Variants in CCDC60 observed in about 807,000 individuals in gnomAD.
CCDC60 encodes the protein coiled-coil domain-containing protein 60.
A neutral mutation model predicts 63.5 loss-of-function variants in CCDC60; 54 were observed. The ratio of observed to expected loss-of-function variants is 0.85; its 90% CI spans 0.68 to 1.07. The LOEUF is 1.07. Ranked by LOEUF, CCDC60 falls within the 50% of genes least tolerant of loss-of-function variation. The pLI, the probability that CCDC60 is intolerant of heterozygous loss-of-function variation, is 0.00. For synonymous variants in CCDC60, 206 were observed against 238.8 expected (o/e 0.86, Z 1.27); for missense variants, 651 against 684.3 (o/e 0.95, Z 0.54).
intron 1 of CCDC60, among the ~76,000 whole-genome samples, chr12:119,377,588 A>C (rs1337393403): frequency 6.6e-6 from 1 of 152,242 alleles, no homozygotes; most frequent in Non-Finnish European, 1.5e-5. Context: ...AACTAACTAA[A>C]TAGTTAATAA....
intron 2 of CCDC60, among the ~76,000 whole-genome samples, chr12:119,455,755 G>GAA (rs151277427): frequency 0.39 from 53,668 of 137,980 alleles, 10,005 homozygotes; most frequent in East Asian, 0.47. Flanking sequence ...AGGAAAGAAA[G>GAA]AAAAGAAAAG....
At chr12:119,462,362 T>C (rs912359044) in intron 2 of CCDC60, among the ~76,000 whole-genome samples, 4 of 152,152 alleles carry the variant, frequency 2.6e-5, no homozygotes, top group Admixed American at 6.5e-5. Flanking sequence ...GGAATCACAT[T>C]AGGATTGTGT....
intron 2 of CCDC60, among the ~76,000 whole-genome samples, chr12:119,443,744 A>G (rs1622645): frequency 0.89 from 135,605 of 152,238 alleles, 60,793 homozygotes; most frequent in East Asian, 1. Context: ...ATGTATTCAC[A>G]GGCAATAGAA....
At chr12:119,425,726 T>C (rs1956888263) in intron 1 of CCDC60, among the ~76,000 whole-genome samples, 1 of 152,216 alleles carries the variant, frequency 6.6e-6, no homozygotes, top group African/African-American at 2.4e-5. Flanking sequence ...TCCCCATTTC[T>C]AGTCAGTAAG....
At chr12:119,469,196 C>G (rs1447023492) in intron 2 of CCDC60, among the ~76,000 whole-genome samples, 4 of 152,128 alleles carry the variant, frequency 2.6e-5, no homozygotes, top group Non-Finnish European at 4.4e-5. Context: ...TCCAAGATTT[C>G]TTCCCAGCTG....
intron 13 of CCDC60, among the ~76,000 whole-genome samples, chr12:119,540,409 G>C (rs1953126262): frequency 6.6e-6 from 1 of 152,170 alleles, no homozygotes; most frequent in Non-Finnish European, 1.5e-5. Context: ...CTTAACATTA[G>C]CCTGCTGAGC....
At chr12:119,351,810 C>T (rs550890947) in intron 1 of CCDC60, among the ~76,000 whole-genome samples, 17 of 152,312 alleles carry the variant, frequency 1.1e-4, no homozygotes, top group Non-Finnish European at 1.9e-4. Context: ...TGGCAAGTCT[C>T]TAGGAAGTTC....
intron 7 of CCDC60, among the ~76,000 whole-genome samples, chr12:119,515,782 G>A (rs1952338114): frequency 6.6e-6 from 1 of 152,212 alleles, no homozygotes; most frequent in South Asian, 2.1e-4. Context: ...CTCCTTTCTA[G>A]GGAAGCTGGA....
At chr12:119,433,914 T>C (rs952092690) in intron 2 of CCDC60, among the ~76,000 whole-genome samples, 2 of 152,178 alleles carry the variant, frequency 1.3e-5, no homozygotes, top group Non-Finnish European at 1.5e-5. Flanking sequence ...CTAGCGGAAG[T>C]TGACAATCAG....
At chr12:119,363,149 T>C (rs1417004369) in intron 1 of CCDC60, among the ~76,000 whole-genome samples, 1 of 152,166 alleles carries the variant, frequency 6.6e-6, no homozygotes, top group African/African-American at 2.4e-5. Flanking sequence ...CATTCTAAGG[T>C]GTCAGCCATG....
At position 119,525,649 on chromosome 12, in the gene CCDC60, A is replaced by C. The variant is rs7132305; in HGVS notation, c.1229+1831A>C. ...CCTTCCAAGAAATCTTGAAAGGAGCACTAAATATAGAAAGGAAAGACTGCT... is the reference window on the plus strand; with the variant it reads ...CCTTCCAAGAAATCTTGAAAGGAGCCCTAAATATAGAAAGGAAAGACTGCT... On this transcript the variant is annotated intron_variant, in intron 11 of 13. Coordinates refer to ENST00000327554, the MANE Select transcript of CCDC60 (RefSeq NM_178499.5). 6.8e-3 allele frequency among the ~76,000 whole-genome samples: 1,036 copies of C among 152,340 alleles called. 9 individuals are homozygous for C. Among genetic ancestry groups the C allele is most frequent in the African/African-American group, 0.024 (978 of 41,570 alleles).
chr12:119,475,892 C>A (rs1951167207), intron 3 of CCDC60, among the ~76,000 whole-genome samples: 1 of 152,172 alleles, frequency 6.6e-6, no homozygotes, highest in South Asian at 2.1e-4. Flanking sequence ...TACCTAAAAT[C>A]CTTAAATGTA....
intron 2 of CCDC60, among the ~76,000 whole-genome samples, chr12:119,437,223 A>C (rs1297201969): frequency 6.6e-6 from 1 of 152,250 alleles, no homozygotes; most frequent in Non-Finnish European, 1.5e-5. Context: ...TTTTTTTGAA[A>C]TAAGAAGGGA....
rs75612432 is a variant in CCDC60 at position 119,518,421 on chromosome 12, G to C, written c.969-1700G>C. Among the ~76,000 whole-genome samples the C allele has an allele frequency of 1.7e-3, 259 of 152,244 alleles. 1 individual carries two copies. The highest frequency in any genetic ancestry group is 5.9e-3 in the African/African-American group (246 of 41,544). ...GCATCAAAGCTTGGCTTTGGAACCA[G>C]ACAAACTAAGGTCAGGCTCCATGGC... On this transcript the variant is annotated intron_variant, in intron 8 of 13. Transcript: ENST00000327554.
At chr12:119,465,090 T>A (rs984651242) in intron 2 of CCDC60, among the ~76,000 whole-genome samples, 24 of 152,100 alleles carry the variant, frequency 1.6e-4, no homozygotes, top group African/African-American at 5.8e-4. Flanking sequence ...GGCGGGTGGA[T>A]CACGAGGTCA....
At chr12:119,502,180 C>A (rs538024620) in intron 6 of CCDC60, among the ~76,000 whole-genome samples, 6 of 152,274 alleles carry the variant, frequency 3.9e-5, no homozygotes, top group African/African-American at 1.4e-4. Flanking sequence ...AAGGGAAGAA[C>A]CTCTGTGCAG....
chr12:119,340,442 T>C (rs967904944), intron 1 of CCDC60, among the ~76,000 whole-genome samples: 5 of 152,116 alleles, frequency 3.3e-5, no homozygotes, highest in African/African-American at 9.6e-5. Context: ...TGCTGAGAGG[T>C]AAGTTGGCAG....
chr12:119,456,057 AAG>A lies in CCDC60; in HGVS notation c.171-15935_171-15934del, dbSNP rs1950741794. On this transcript the variant is annotated intron_variant, in intron 2 of 13. Coordinates refer to ENST00000327554, the MANE Select transcript of CCDC60 (RefSeq NM_178499.5). This position sits in a 1 kb window ranked among gnomAD's most constrained non-coding sequence, Gnocchi z 4.6. ...AAAGAAAGAAAGAAAGAAAGAAAGA[AAG>A]AAAGCAAGCAAGCATGTGCAATTTC... Among the ~76,000 whole-genome samples the A allele has an allele frequency of 8.7e-6, 1 of 115,480 alleles. No homozygotes were observed. The allele number at this position is 115,480 out of a possible 152,430, so 75.8% of individuals were successfully genotyped here. A position where few individuals can be genotyped will look rare whatever the true frequency, so the allele number is the denominator to read the frequency against.
intron 1 of CCDC60, among the ~76,000 whole-genome samples, chr12:119,389,702 T>C (rs1173330508): frequency 6.6e-6 from 1 of 152,094 alleles, no homozygotes; most frequent in African/African-American, 2.4e-5. Flanking sequence ...TCTGAGCCCC[T>C]GAGCCCCAGA....
Sources: gnomAD v4.1 joint callset for allele counts (sites outside exome capture counted in the v4.1 genomes callset) on GRCh38, gnomAD v4.1.1 for gene constraint, Gnocchi (gnomAD v3.1) non-coding constraint, MANE v1.5 for transcripts, NCBI Gene and HGNC (gene_info 2026-07-23, HGNC 2026-07-21) for gene names.